Variants in ZNF664 observed in about 807,000 individuals in gnomAD.
The protein encoded by ZNF664 is zinc finger Organ of Corti 1.
Under a neutral mutation model 18.2 loss-of-function variants are expected in ZNF664, and 10 were observed. The observed-to-expected ratio is 0.55, with a 90% confidence interval of 0.34 to 0.93. ZNF664 has a LOEUF of 0.93. ZNF664 is among the 40% of genes least tolerant of loss of function. The pLI is 0.02. For synonymous variants in ZNF664, 119 were observed against 104.2 expected (o/e 1.14, Z -0.86); for missense variants, 193 against 319.0 (o/e 0.61, Z 3.01).
In ZNF664 at chr12:124,012,269, A is replaced by G; in HGVS notation, c.125A>G (p.His42Arg). 6.2e-7 allele frequency: 1 copy of G among 1,614,234 alleles called. No individual in the cohort carries two copies. Among genetic ancestry groups the G allele is most frequent in the Non-Finnish European group, 8.5e-7 (1 of 1,180,040 alleles). The change falls in exon 5 of 5, where the codon CAT becomes CGT. Residue 42 changes from histidine (H) to arginine (R), a missense_variant. By Grantham distance (29) the His-to-Arg change is conservative. Transcript: ENST00000337815. ...GACAAGTGTGATAAGGGTTTCTTTC[A>G]TATATCAGAACTTCATATTCATTGG... ...KCDKCDKGFF[H>R]ISELHIHWRD... is the part of the protein sequence containing the mutation.
At chr12:123,982,822 A>G (rs571215643) in intron 2 of ZNF664, among the ~76,000 whole-genome samples, 14 of 152,310 alleles carry the variant, frequency 9.2e-5, no homozygotes, top group Non-Finnish European at 1.6e-4. Flanking sequence ...TCAGGAGTGA[A>G]TCTTAGATTT....
intron 3 of ZNF664, among the ~76,000 whole-genome samples, chr12:123,991,275 A>G (rs1475911094): frequency 2.0e-5 from 3 of 152,220 alleles, no homozygotes; most frequent in Non-Finnish European, 4.4e-5. Flanking sequence ...AAAAAAAAGT[A>G]GTGGGGTGCA....
At chr12:123,991,814 C>A (rs1245633292) in intron 3 of ZNF664, among the ~76,000 whole-genome samples, 2 of 152,198 alleles carry the variant, frequency 1.3e-5, no homozygotes, top group African/African-American at 4.8e-5. Flanking sequence ...CCTGATAACA[C>A]ATGCACTTAT....
rs373437802 is a variant in ZNF664 at position 124,000,922 on chromosome 12, T to C, written c.-660-10459T>C. ...TAACGGCTCACACATGTATACCTTA[T>C]AAAGTCCTGATCTCTTATCTCAGTG... is the stretch of plus-strand genomic sequence containing the variant. On this transcript the variant is annotated intron_variant, in intron 3 of 4. Coordinates refer to ENST00000337815, the MANE Select transcript of ZNF664 (RefSeq NM_152437.3). Among the ~76,000 whole-genome samples the C allele has an allele frequency of 4.6e-5, 7 of 152,318 alleles. No homozygotes were observed. The East Asian group carries it at 5.8e-4, about 13-fold the overall frequency.
intron 3 of ZNF664, chr12:124,003,403 T>G (rs1428723282): frequency 1.3e-5 from 2 of 151,600 alleles, no homozygotes; most frequent in Non-Finnish European, 2.9e-5. Flanking sequence ...TGCATCTTTT[T>G]TTTTTTTTTT....
rs1566211823 is a variant in ZNF664 at position 124,013,244 on chromosome 12, C to G, written c.*314C>G. The stretch of plus-strand genomic sequence containing the variant: ...AAAGCCACAATCATTGCCCGGCCTC[C>G]TGAGTCACCTTCTATCTATACTTTG... On this transcript the variant is annotated 3_prime_UTR_variant, in exon 5 of 5. Transcript: ENST00000337815. 2.1e-5 allele frequency: 8 copies of G among 375,202 alleles called. No homozygotes were observed. Among genetic ancestry groups the G allele is most frequent in the African/African-American group, 4.2e-5 (2 of 47,900 alleles). 23.2% of individuals were successfully genotyped at this position (375,202 alleles called of 1,614,324 possible). A position where few individuals can be genotyped will look rare whatever the true frequency, so the allele number is the denominator to read the frequency against.
In ZNF664 at chr12:124,002,186, G is replaced by A. The variant is rs77935363; in HGVS notation, c.-660-9195G>A. On this transcript the variant is annotated intron_variant, in intron 3 of 4. Transcript: ENST00000337815. ...TGTTGAGCAGATGCCAGCTCCCTGA[G>A]GACCAGGAAGAAACTGGGCAGGGGG... Among the ~76,000 whole-genome samples, 982 of 152,276 alleles carry A rather than the reference G, an allele frequency of 6.4e-3. 6 individuals are homozygous for A. Among genetic ancestry groups the A allele is most frequent in the African/African-American group, 0.022 (917 of 41,542 alleles).
chr12:124,014,632 G>T lies in ZNF664; in HGVS notation c.*1702G>T, dbSNP rs1184608440. 1 of 167,084 alleles carries T rather than the reference G, an allele frequency of 6.0e-6. No individual in the cohort carries two copies. The highest frequency in any genetic ancestry group is 1.9e-4 in the East Asian group (1 of 5,202). 10.4% of individuals were successfully genotyped at this position (167,084 alleles called of 1,614,324 possible). A position where few individuals can be genotyped will look rare whatever the true frequency, so the allele number is the denominator to read the frequency against. On this transcript the variant is annotated 3_prime_UTR_variant, in exon 5 of 5. Coordinates refer to ENST00000337815, the MANE Select transcript of ZNF664 (RefSeq NM_152437.3). ...TCTGAAATAGGTGATCAGGTTAGTG[G>T]TGTCTGTCAGCTGTCTAAGAGGTTG...
chr12:124,001,851 G>T (rs973832671), intron 3 of ZNF664, among the ~76,000 whole-genome samples: 1 of 152,224 alleles, frequency 6.6e-6, no homozygotes, highest in Non-Finnish European at 1.5e-5. Context: ...TAAACATTTG[G>T]TGCTTGAATG....
intron 3 of ZNF664, among the ~76,000 whole-genome samples, chr12:123,994,949 A>G (rs1038277328): frequency 1.3e-5 from 2 of 152,220 alleles, no homozygotes; most frequent in Non-Finnish European, 2.9e-5. Flanking sequence ...GTGCTTAGCT[A>G]GTTTATTCAG....
chr12:123,996,395 G>A (rs1956948903), intron 3 of ZNF664, among the ~76,000 whole-genome samples: 1 of 152,136 alleles, frequency 6.6e-6, no homozygotes, highest in Admixed American at 6.6e-5. Flanking sequence ...AGCATAAGTG[G>A]TGGAAGTTGG....
At chr12:123,997,446 G>A (rs568667060) in intron 3 of ZNF664, among the ~76,000 whole-genome samples, 3 of 152,218 alleles carry the variant, frequency 2.0e-5, no homozygotes, top group Non-Finnish European at 4.4e-5. Flanking sequence ...TGCTCCCTTT[G>A]AAGGCTTTAC....
At chr12:123,992,023 G>A (rs985941990) in intron 3 of ZNF664, among the ~76,000 whole-genome samples, 15 of 152,096 alleles carry the variant, frequency 9.9e-5, no homozygotes, top group African/African-American at 1.7e-4. Flanking sequence ...ACGAATTTCC[G>A]CAGGACAAAA....
intron 2 of ZNF664, among the ~76,000 whole-genome samples, chr12:123,977,233 T>C (rs1196922179): frequency 6.6e-6 from 1 of 152,142 alleles, no homozygotes; most frequent in Non-Finnish European, 1.5e-5. Flanking sequence ...AATTAAAAAT[T>C]GGGACATTAT....
chr12:123,989,456 G>A (rs1956863807), intron 3 of ZNF664: 1 of 152,204 alleles, frequency 6.6e-6, no homozygotes, highest in African/African-American at 2.4e-5. Flanking sequence ...AGACCAAAGA[G>A]TCATGTCTAA....
At chr12:123,999,182 C>T (rs991331197) in intron 3 of ZNF664, among the ~76,000 whole-genome samples, 2 of 152,110 alleles carry the variant, frequency 1.3e-5, no homozygotes, top group African/African-American at 4.8e-5. Context: ...ATCACATGGT[C>T]ATCTCAACTC....
chr12:124,001,053 A>T (rs769756251), intron 3 of ZNF664, among the ~76,000 whole-genome samples: 30 of 152,162 alleles, frequency 2.0e-4, no homozygotes, highest in Non-Finnish European at 3.5e-4. Flanking sequence ...GGTCTTTCTA[A>T]AGTTTTCTGT....
intron 3 of ZNF664, 91 bp from the exon 4 acceptor site, chr12:124,011,290 G>T: frequency 3.1e-6 from 3 of 970,454 alleles, no homozygotes; most frequent in Non-Finnish European, 3.7e-6. Context: ...TCCCCTTGAT[G>T]TTGCTCAGAT....
intron 3 of ZNF664, among the ~76,000 whole-genome samples, chr12:124,000,522 T>C (rs1956999245): frequency 6.6e-6 from 1 of 152,206 alleles, no homozygotes. Flanking sequence ...AACTTTTCCT[T>C]GAAGTCTAAC....
Sources: allele counts gnomAD v4.1 joint callset (sites outside exome capture counted in the v4.1 genomes callset), GRCh38; gene constraint gnomAD v4.1.1; transcripts MANE v1.5; gene names NCBI Gene and HGNC (gene_info 2026-07-23, HGNC 2026-07-21).